The following SPIRE1 variants were observed in gnomAD, a reference collection of about 807,000 sequenced individuals.
SPIRE1 encodes spire type actin nucleation factor 1, also known as protein spire homolog 1.
Under a neutral mutation model 94.1 loss-of-function variants are expected in SPIRE1, and 40 were observed. The observed-to-expected ratio is 0.43, with a 90% CI of 0.33 to 0.55. The LOEUF is 0.55. Ranked by LOEUF, SPIRE1 falls within the 20% of genes least tolerant of loss-of-function variation. The pLI, the probability that SPIRE1 is intolerant of heterozygous loss-of-function variation, is 0.06. For synonymous variants in SPIRE1, 376 were observed against 371.7 expected (o/e 1.01, Z -0.13); for missense variants, 838 against 975.2 (o/e 0.86, Z 1.87).
chr18:12,579,622 G>A (rs2036204653), intron 2 of SPIRE1, among the ~76,000 whole-genome samples: 1 of 152,186 alleles, frequency 6.6e-6, no homozygotes, highest in South Asian at 2.1e-4. Context: ...TAAAAATGGT[G>A]AATGTTATAT....
At chr18:12,595,286 A>G (rs1226698010) in intron 2 of SPIRE1, among the ~76,000 whole-genome samples, 1 of 152,212 alleles carries the variant, frequency 6.6e-6, no homozygotes, top group Non-Finnish European at 1.5e-5. Context: ...AGCCAGGGCA[A>G]CAGAGCCAGA....
At chr18:12,636,912 G>A (rs1292015078) in intron 1 of SPIRE1, among the ~76,000 whole-genome samples, 3 of 151,990 alleles carry the variant, frequency 2.0e-5, no homozygotes, top group Non-Finnish European at 2.9e-5. Context: ...AATTTTACTC[G>A]GCAAAGTACT....
At chr18:12,534,357 T>G (rs979408468) in intron 4 of SPIRE1, among the ~76,000 whole-genome samples, 3 of 152,220 alleles carry the variant, frequency 2.0e-5, no homozygotes, top group Non-Finnish European at 4.4e-5. Flanking sequence ...ATAAACCCTG[T>G]ATGTTAGTTG....
At chr18:12,576,283 T>A (rs75597491) in intron 2 of SPIRE1, among the ~76,000 whole-genome samples, 1,546 of 152,118 alleles carry the variant, frequency 0.01, 16 homozygotes, top group Non-Finnish European at 0.017. Flanking sequence ...TAAAGTTGGA[T>A]GACTTACACT....
At chr18:12,461,235 T>C (rs950731322) in intron 12 of SPIRE1, among the ~76,000 whole-genome samples, 29 of 152,320 alleles carry the variant, frequency 1.9e-4, no homozygotes, top group Admixed American at 1.4e-3. Context: ...ATAGTTCCTT[T>C]ACATTGCTAA....
At chr18:12,656,615 G>A (rs2038544777) in intron 1 of SPIRE1, 3 of 593,926 alleles carry the variant, frequency 5.1e-6, no homozygotes, top group Admixed American at 1.3e-4. Context: ...CTAAAAGTGA[G>A]GGTAGATTGT....
chr18:12,504,734 T>C (rs561042836), intron 6 of SPIRE1, among the ~76,000 whole-genome samples: 2 of 152,142 alleles, frequency 1.3e-5, no homozygotes, highest in Non-Finnish European at 2.9e-5. Context: ...AGACAGACAA[T>C]AAATCCGGAA....
chr18:12,480,581 A>G (rs2032801904), intron 9 of SPIRE1, among the ~76,000 whole-genome samples: 1 of 152,210 alleles, frequency 6.6e-6, no homozygotes, highest in Admixed American at 6.5e-5. Context: ...TGTGCCTAGT[A>G]CAGGCAGTGA....
chr18:12,574,630 G>A (rs2036045408), intron 2 of SPIRE1, among the ~76,000 whole-genome samples: 1 of 152,238 alleles, frequency 6.6e-6, no homozygotes. Context: ...TGGCAAAGGA[G>A]AGCCATGGGC....
chr18:12,592,282 G>A (rs2036556729), intron 2 of SPIRE1, among the ~76,000 whole-genome samples: 1 of 152,138 alleles, frequency 6.6e-6, no homozygotes, highest in Admixed American at 6.5e-5. Context: ...CTTAGCTGAA[G>A]ACTCAATTTG....
intron 1 of SPIRE1, among the ~76,000 whole-genome samples, chr18:12,637,240 T>C (rs763558703): frequency 1.1e-4 from 16 of 151,682 alleles, no homozygotes; most frequent in Non-Finnish European, 1.3e-4. Flanking sequence ...GTGCCTGTAG[T>C]CCCAGCTACT....
chr18:12,467,339 T>C (rs1185387967), intron 10 of SPIRE1, among the ~76,000 whole-genome samples: 1 of 152,164 alleles, frequency 6.6e-6, no homozygotes, highest in African/African-American at 2.4e-5. Context: ...CTTTTGGGAC[T>C]TATCATGAAC....
upstream of SPIRE1, chr18:12,661,318 G>GA (rs965185754): frequency 1.5e-5 from 15 of 972,938 alleles, no homozygotes; most frequent in Non-Finnish European, 1.8e-5. Context: ...CAAAAAAGAA[G>GA]AAAAAAAATT....
chr18:12,601,045 C>T (rs2036820237), intron 2 of SPIRE1, among the ~76,000 whole-genome samples: 1 of 152,144 alleles, frequency 6.6e-6, no homozygotes, highest in Non-Finnish European at 1.5e-5. Flanking sequence ...TATTCTGATG[C>T]TCAAGTATTT....
chr18:12,558,110 T>TC (rs2144369046), intron 2 of SPIRE1, among the ~76,000 whole-genome samples: 1 of 152,316 alleles, frequency 6.6e-6, no homozygotes, highest in South Asian at 2.1e-4. Context: ...CTCACTGACT[T>TC]CAAGAATGAA....
At chr18:12,578,686 C>A (rs916335974) in intron 2 of SPIRE1, among the ~76,000 whole-genome samples, 1 of 152,182 alleles carries the variant, frequency 6.6e-6, no homozygotes, top group Non-Finnish European at 1.5e-5. Flanking sequence ...AGAGGAGACT[C>A]TACCCACTAT....
At chr18:12,494,379 C>A (rs1037148342) in intron 7 of SPIRE1, among the ~76,000 whole-genome samples, 1 of 152,130 alleles carries the variant, frequency 6.6e-6, no homozygotes. Flanking sequence ...AGCCAGTGTT[C>A]AAGTCCAGGT....
chr18:12,630,292 C>T (rs1028366946), intron 2 of SPIRE1, among the ~76,000 whole-genome samples: 1 of 152,144 alleles, frequency 6.6e-6, no homozygotes, highest in African/African-American at 2.4e-5. Flanking sequence ...CCCAGGAAAC[C>T]TTACACTTCC....
intron 1 of SPIRE1, among the ~76,000 whole-genome samples, chr18:12,639,523 G>T (rs1056100673): frequency 1.3e-5 from 2 of 152,128 alleles, no homozygotes; most frequent in Admixed American, 6.5e-5. Flanking sequence ...CACGAGGTCA[G>T]GAGTTCAAGG....
Sources: gnomAD v4.1 joint callset for allele counts (sites outside exome capture counted in the v4.1 genomes callset) on GRCh38, gnomAD v4.1.1 for gene constraint, MANE v1.5 for transcripts, NCBI Gene and HGNC (gene_info 2026-07-23, HGNC 2026-07-21) for gene names.